Variants in ALAS1 observed in about 807,000 individuals in gnomAD.
ALAS1 encodes the protein 5-aminolevulinate synthase, non-specific, mitochondrial.
In ALAS1, 29 loss-of-function variants were observed where a neutral mutation model predicts 59.6. That is an observed-to-expected ratio of 0.49 (90% CI 0.36 to 0.66). ALAS1 has a LOEUF of 0.66. ALAS1 is among the 30% of genes least tolerant of loss of function. The pLI, the probability that ALAS1 is intolerant of heterozygous loss-of-function variation, is 0.00. For missense variants in ALAS1, 690 were observed against 807.5 expected (o/e 0.85, Z 1.76); for synonymous variants, 299 against 296.6 (o/e 1.01, Z -0.08).
chr3:52,201,888 T>G (rs536028784), intron 3 of ALAS1, among the ~76,000 whole-genome samples: 1 of 152,342 alleles, frequency 6.6e-6, no homozygotes, highest in South Asian at 2.1e-4. Context: ...ATGATCCAAC[T>G]CAAGGATTCC....
In ALAS1 at chr3:52,199,233, T is replaced by C. The variant is rs1699134245; in HGVS notation, c.-9T>C. 1.2e-6 allele frequency: 2 copies of C among 1,614,122 alleles called. No individual in the cohort carries two copies. Among genetic ancestry groups the C allele is most frequent in the Non-Finnish European group, 1.7e-6 (2 of 1,180,048 alleles). On this transcript the variant is annotated 5_prime_UTR_variant, in exon 3 of 12. Coordinates refer to ENST00000484952, the MANE Select transcript of ALAS1 (RefSeq NM_000688.6). ...AGTCTTTCCACAGGAGCCAGCATAC[T>C]TCCTGAACATGGAGAGTGTTGTTCG...
chr3:52,211,240 A>G (rs1201407046), intron 9 of ALAS1, 43 bp from the exon 10 acceptor site: 2 of 1,601,734 alleles, frequency 1.2e-6, no homozygotes, highest in East Asian at 2.2e-5. Context: ...ATTTAGAGCA[A>G]TTTACAGCTG....
chr3:52,211,322 C>T lies in ALAS1; in HGVS notation c.1370C>T (p.Thr457Met), dbSNP rs771251292. ...TGTGTTGGAGGGTACATCGCCAGCA[C>T]GAGTTCTCTGATTGACACCGTACGG... ...FGCVGGYIAS[T>M]SSLIDTVRSY... The change falls in exon 10 of 12, where the codon ACG becomes ATG. Residue 457 changes from threonine to methionine, a missense_variant. Coordinates refer to ENST00000484952, the MANE Select transcript of ALAS1 (RefSeq NM_000688.6). 5.0e-6 allele frequency: 8 copies of T among 1,614,062 alleles called. No homozygotes were observed. The highest frequency in any genetic ancestry group is 4.4e-5 in the South Asian group (4 of 91,090).
chr3:52,206,368 G>A (rs1377625172), intron 7 of ALAS1, among the ~76,000 whole-genome samples: 1 of 152,198 alleles, frequency 6.6e-6, no homozygotes, highest in Non-Finnish European at 1.5e-5. Context: ...TTAATGGCCT[G>A]CCACAAGGTT....
At chr3:52,207,970 C>A in intron 8 of ALAS1, 113 bp from the exon 9 acceptor site, 1 of 1,134,708 alleles carries the variant, frequency 8.8e-7, no homozygotes, top group Non-Finnish European at 1.2e-6. Flanking sequence ...ATTTTCTTTC[C>A]AATATTGAAA....
At chr3:52,210,014 T>C (rs1158557298) in intron 9 of ALAS1, among the ~76,000 whole-genome samples, 2 of 152,302 alleles carry the variant, frequency 1.3e-5, no homozygotes, top group East Asian at 3.9e-4. Flanking sequence ...ACTTGAGATG[T>C]AGATCACACA....
At chr3:52,202,840 A>G (rs1699216256) in intron 4 of ALAS1, 106 bp downstream of exon 4, 5 of 1,075,004 alleles carry the variant, frequency 4.7e-6, no homozygotes, top group Non-Finnish European at 6.9e-6. Flanking sequence ...ATTTATGGAA[A>G]CACCTTCCTC....
At chr3:52,206,884 G>C in intron 8 of ALAS1, 133 bp downstream of exon 8, 1 of 965,586 alleles carries the variant, frequency 1.0e-6, no homozygotes, top group South Asian at 1.7e-5. Flanking sequence ...GCCCAGGCAG[G>C]AGTGCAGTGG....
chr3:52,211,646 A>G, intron 10 of ALAS1, 95 bp downstream of exon 10: 1 of 1,532,442 alleles, frequency 6.5e-7, no homozygotes. Flanking sequence ...GTTGGGCTTG[A>G]GCGGGGTGAC....
chr3:52,202,949 C>G (rs1211786462), intron 4 of ALAS1, among the ~76,000 whole-genome samples: 1 of 152,132 alleles, frequency 6.6e-6, no homozygotes, highest in Non-Finnish European at 1.5e-5. Flanking sequence ...ATGTGACCAG[C>G]TTTTATAGTT....
At position 52,203,149 on chromosome 3, in the gene ALAS1, A is replaced by G. The variant is rs371850260; in HGVS notation, c.427+415A>G. 6.6e-5 allele frequency among the ~76,000 whole-genome samples: 10 copies of G among 152,326 alleles called. No individual in the cohort carries two copies. The South Asian group carries it at 1.2e-3, about 19-fold the overall frequency. ...ATTGAATTGCAACCTTAACTCCACA[A>G]TATATAGGTGTGGCTATATCTGCAG... On this transcript the variant is annotated intron_variant, in intron 4 of 11. Coordinates refer to ENST00000484952, the MANE Select transcript of ALAS1 (RefSeq NM_000688.6).
intron 5 of ALAS1, 90 bp from the exon 6 acceptor site, chr3:52,204,603 C>A: frequency 9.6e-7 from 1 of 1,045,598 alleles, no homozygotes; most frequent in Non-Finnish European, 1.4e-6. Context: ...GGATCTCCCT[C>A]AGTTGCCAAG....
chr3:52,209,530 G>A (rs764395566), intron 9 of ALAS1, among the ~76,000 whole-genome samples: 9 of 152,286 alleles, frequency 5.9e-5, no homozygotes, highest in Non-Finnish European at 1.0e-4. Flanking sequence ...TTTTAAGGAT[G>A]TCTCCTGATG....
At chr3:52,213,611 A>C (rs1304102126) in intron 11 of ALAS1, among the ~76,000 whole-genome samples, 1 of 152,090 alleles carries the variant, frequency 6.6e-6, no homozygotes, top group Non-Finnish European at 1.5e-5. Context: ...TCACCTCAGA[A>C]GCCCCTACCC....
rs560070888 is a variant in ALAS1, at chr3:52,198,706, C to T, written c.-175C>T. ...GTTCTTCCCGCTGTGGGGACACGAC[C>T]ACGGAGGAATCCTTGCTTCAGGGAC... On this transcript the variant is annotated 5_prime_UTR_variant, in exon 2 of 12. Coordinates refer to ENST00000484952, the MANE Select transcript of ALAS1 (RefSeq NM_000688.6). 5.2e-6 allele frequency: 6 copies of T among 1,154,628 alleles called. No individual in the cohort carries two copies. The highest frequency in any genetic ancestry group is 7.5e-6 in the Non-Finnish European group (6 of 802,628). 71.5% of individuals were successfully genotyped at this position (1,154,628 alleles called of 1,614,324 possible).
In ALAS1 at chr3:52,214,288, AAAAAC is replaced by A; in HGVS notation, c.*110_*114del. ...GTTATATTAAATTTTAATCTATAGTAAAAACATAGTCCTGGAAATAAATTCTTGCT... is the reference window on the plus strand; with the variant it reads ...GTTATATTAAATTTTAATCTATAGTAATAGTCCTGGAAATAAATTCTTGCT... On this transcript the variant is annotated 3_prime_UTR_variant, in exon 12 of 12. Coordinates refer to ENST00000484952, the MANE Select transcript of ALAS1 (RefSeq NM_000688.6). 1.9e-6 allele frequency: 2 copies of A among 1,045,930 alleles called. No individual in the cohort carries two copies. The highest frequency in any genetic ancestry group is 2.6e-5 in the East Asian group (1 of 38,220). The allele number at this position is 1,045,930 out of a possible 1,614,324, so 64.8% of individuals were successfully genotyped here. A position where few individuals can be genotyped will look rare whatever the true frequency, so the allele number is the denominator to read the frequency against.
chr3:52,202,374 C>A, intron 3 of ALAS1, 133 bp from the exon 4 acceptor site: 1 of 741,136 alleles, frequency 1.3e-6, no homozygotes, highest in Non-Finnish European at 2.3e-6. Flanking sequence ...ACAAAAAAAA[C>A]ACTTGTGTCT....
chr3:52,205,867 G>A lies in ALAS1; in HGVS notation c.829G>A (p.Ala277Thr). ...CACTTTGAAACAACATGGTGCTGGG[G>A]CAGGTGGTACTAGAAATATTTCTGG... ...MDTLKQHGAG[A>T]GGTRNISGTS... Residue 277 changes from alanine to threonine, a missense_variant, in exon 7 of 12, where the codon GCA becomes ACA. Physicochemically the swap from Ala to Thr is moderately conservative, Grantham distance 58. Coordinates refer to ENST00000484952, the MANE Select transcript of ALAS1 (RefSeq NM_000688.6). 22 of 1,613,918 alleles carry A rather than the reference G, an allele frequency of 1.4e-5. No individual in the cohort carries two copies. Among genetic ancestry groups the A allele is most frequent in the Non-Finnish European group, 1.7e-5 (20 of 1,179,896 alleles).
In ALAS1 at chr3:52,214,238, A is replaced by C; in HGVS notation, c.*58A>C. 6.9e-7 allele frequency: 1 copy of C among 1,452,038 alleles called. No homozygotes were observed. The highest frequency in any genetic ancestry group is 9.3e-7 in the Non-Finnish European group (1 of 1,071,658). 89.9% of individuals were successfully genotyped at this position (1,452,038 alleles called of 1,614,324 possible). On this transcript the variant is annotated 3_prime_UTR_variant, in exon 12 of 12. Coordinates refer to ENST00000484952, the MANE Select transcript of ALAS1 (RefSeq NM_000688.6). ...CCATTATCATATCCAGATGGTCTTC[A>C]GAGTTGTCTTTATATGTGAATTAAG...
Sources: allele counts gnomAD v4.1 joint callset (sites outside exome capture counted in the v4.1 genomes callset), GRCh38; gene constraint gnomAD v4.1.1; transcripts MANE v1.5; gene names NCBI Gene and HGNC (gene_info 2026-07-23, HGNC 2026-07-21).